FBXO6: variants seen among roughly 807,000 people sequenced by gnomAD.
The protein encoded by FBXO6 is F-box protein 6, also known as F-box only protein 6.
FBXO6 carries 13 observed loss-of-function variants against 25.0 expected under a neutral mutation model. That is an observed-to-expected ratio of 0.52 (90% confidence interval 0.34 to 0.83). The LOEUF (loss-of-function observed/expected upper bound fraction) is 0.83, where lower values mean the gene tolerates loss of function less well. Ranked by LOEUF, FBXO6 falls within the 40% of genes least tolerant of loss-of-function variation. FBXO6 has a pLI of 0.02. For missense variants in FBXO6, 370 were observed against 380.2 expected, an observed-to-expected ratio of 0.97 and a Z score of 0.22; for synonymous variants, 138 against 155.3, an observed-to-expected ratio of 0.89 and a Z score of 0.83.
At chr1:11,665,994 T>G (rs1198289876) in intron 1 of FBXO6, among the ~76,000 whole-genome samples, 1 of 112,374 alleles carries the variant, frequency 8.9e-6, no homozygotes, top group Admixed American at 9.3e-5. Context: ...CACATTGGGT[T>G]TTTTTGTTAT....
At chr1:11,665,819 G>A (rs1008273232) in intron 1 of FBXO6, among the ~76,000 whole-genome samples, 30 of 151,618 alleles carry the variant, frequency 2.0e-4, no homozygotes, top group African/African-American at 7.0e-4. Flanking sequence ...TCGGCCTACC[G>A]AAGTGCTGGG....
At position 11,671,320 on chromosome 1, in the gene FBXO6, A is replaced by G. The variant is rs376641127; in HGVS notation, c.341A>G (p.Glu114Gly). 1 of 1,614,118 alleles carries G rather than the reference A, an allele frequency of 6.2e-7. No homozygotes were observed. The highest frequency in any genetic ancestry group is 2.2e-5 in the East Asian group (1 of 44,878). Residue 114 changes from glutamate to glycine, a missense_variant, in exon 3 of 6, where the codon GAG (glutamate) becomes GGG (glycine). Coordinates refer to ENST00000376753, the MANE Select transcript of FBXO6 (RefSeq NM_018438.6). ...DFNGGDRWKV[E>G]SLPGAHGTDF... is the part of the protein sequence containing the mutation. ...AATGGTGGGGACCGCTGGAAGGTGG[A>G]GAGCCTCCCTGGAGCCCACGGGACA...
At chr1:11,668,093 A>AG (rs1297792627) in intron 1 of FBXO6, among the ~76,000 whole-genome samples, 1 of 146,472 alleles carries the variant, frequency 6.8e-6, no homozygotes, top group East Asian at 1.9e-4. Context: ...CTCTGTCTCA[A>AG]AAAAAAAAAA....
chr1:11,670,653 C>T (rs948386714), intron 2 of FBXO6, among the ~76,000 whole-genome samples: 2 of 149,014 alleles, frequency 1.3e-5, no homozygotes, highest in African/African-American at 5.0e-5. Flanking sequence ...GGGGGGGTGT[C>T]GCTATGTTCC....
In FBXO6 at chr1:11,671,355, G is replaced by A; in HGVS notation, c.376G>A (p.Asp126Asn). 1 of 1,614,092 alleles carries A rather than the reference G, an allele frequency of 6.2e-7. No homozygotes were observed. The highest frequency in any genetic ancestry group is 1.1e-5 in the South Asian group (1 of 91,064). The change falls in exon 3 of 6, where the codon GAC becomes AAC. Residue 126 changes from aspartate (D) to asparagine (N), a missense_variant. Coordinates refer to ENST00000376753, the MANE Select transcript of FBXO6 (RefSeq NM_018438.6). ...LPGAHGTDFP[D>N]PKVKKYFVTS... ...TGGAGCCCACGGGACAGATTTTCCT[G>A]ACCCCAAAGTCAAGAAGTATTTTGT...
rs3125818 is a variant in FBXO6 at position 11,668,837 on chromosome 1, G to A, written c.179G>A (p.Arg60Gln). ...LMTLWKRKCL[R>Q]EGFITKDWDQ... ...ACCCTCTGGAAACGCAAGTGCCTGCGAGAGGGCTTCATCACCAAGGACTGG... is the reference window on the plus strand; with the variant it reads ...ACCCTCTGGAAACGCAAGTGCCTGCAAGAGGGCTTCATCACCAAGGACTGG... Residue 60 changes from arginine (R) to glutamine (Q), a missense_variant, in exon 2 of 6, where the codon CGA becomes CAA. Arg to Gln is a conservative substitution (Grantham distance 43, BLOSUM62 1). Coordinates refer to ENST00000376753, the MANE Select transcript of FBXO6 (RefSeq NM_018438.6). The A allele has an allele frequency of 0.12, 195,732 of 1,614,010 alleles. 12,908 individuals are homozygous for A. The highest frequency in any genetic ancestry group is 0.2 in the South Asian group (18,138 of 91,068).
chr1:11,673,618 TCCTACA>T lies in FBXO6; in HGVS notation c.653_658del (p.Tyr218_Thr219del). 1 of 1,613,570 alleles carries T rather than the reference TCCTACA, an allele frequency of 6.2e-7. No individual in the cohort carries two copies. Among genetic ancestry groups the T allele is most frequent in the African/African-American group, 1.3e-5 (1 of 74,988 alleles). ...TCCTCTCCCTTCCTCCCAACAGGTC[TCCTACA>T]CCTTCTCAGACTACCCCCGGGGTGT... On this transcript the variant is annotated inframe_deletion, in exon 6 of 6. Coordinates refer to ENST00000376753, the MANE Select transcript of FBXO6 (RefSeq NM_018438.6). This position sits in a 1 kb window ranked among gnomAD's most constrained non-coding sequence, Gnocchi z 4.3.
intron 1 of FBXO6, 166 bp downstream of exon 1, chr1:11,664,421 C>G (rs1640338014): frequency 6.6e-6 from 1 of 150,668 alleles, no homozygotes; most frequent in African/African-American, 2.4e-5. Flanking sequence ...CCGCTGCGCC[C>G]AGGTCGCGTC....
rs561292765 is a variant in FBXO6, at chr1:11,668,749, C to G, written c.91C>G (p.Arg31Gly). The change falls in exon 2 of 6, where the codon CGC becomes GGC. Residue 31 changes from arginine (R) to glycine (G), a missense_variant. Physicochemically the swap from Arg to Gly is moderately radical, Grantham distance 125 (BLOSUM62 -2). Transcript: ENST00000376753. ...GGAGCTGTTCACGCACGTGCCCGCC[C>G]GCCAGCTGCTGCTGAACTGCCGCCT... is the stretch of plus-strand genomic sequence containing the variant. ...LLELFTHVPA[R>G]QLLLNCRLVC... 6.2e-7 allele frequency: 1 copy of G among 1,613,898 alleles called. No individual in the cohort carries two copies. The highest frequency in any genetic ancestry group is 1.7e-5 in the Admixed American group (1 of 60,002).
At chr1:11,667,840 C>T (rs903539044) in intron 1 of FBXO6, among the ~76,000 whole-genome samples, 1 of 152,114 alleles carries the variant, frequency 6.6e-6, no homozygotes, top group African/African-American at 2.4e-5. Context: ...CGCCTGTAAT[C>T]CCAGCACTTT....
At chr1:11,670,594 A>G (rs1389967731) in intron 2 of FBXO6, among the ~76,000 whole-genome samples, 1 of 144,060 alleles carries the variant, frequency 6.9e-6, no homozygotes, top group Non-Finnish European at 1.5e-5. Context: ...TGGGATGAAC[A>G]CGTTAGCCTT....
chr1:11,673,377 A>T lies in FBXO6; in HGVS notation c.610A>T (p.Thr204Ser). Reference protein sequence around the residue: ...VLASFEPPPVTIQQWNNATWT... With the variant: ...VLASFEPPPVSIQQWNNATWT... ...GGCCTCCTTCGAGCCCCCACCTGTG[A>T]CCATCCAACAGTGGAACAATGCCAC... is the stretch of plus-strand genomic sequence containing the variant. The change falls in exon 5 of 6, where the codon ACC (threonine) becomes TCC (serine). Residue 204 changes from threonine (T) to serine (S), a missense_variant. Physicochemically the swap from Thr to Ser is moderately conservative, Grantham distance 58. Coordinates refer to ENST00000376753, the MANE Select transcript of FBXO6 (RefSeq NM_018438.6). This position sits in a 1 kb window ranked among gnomAD's most constrained non-coding sequence, Gnocchi z 4.3. 6.2e-7 allele frequency: 1 copy of T among 1,613,988 alleles called. No individual in the cohort carries two copies.
Position 11,668,912 on chromosome 1 carries a change from A to G in FBXO6, c.254A>G (p.His85Arg), listed in dbSNP as rs1305899935. 1.9e-6 allele frequency: 3 copies of G among 1,614,000 alleles called. No individual in the cohort carries two copies. The highest frequency in any genetic ancestry group is 1.3e-5 in the African/African-American group (1 of 74,924). Residue 85 changes from histidine (H) to arginine (R), a missense_variant, in exon 2 of 6, where the codon CAT becomes CGT. By Grantham distance (29) the His-to-Arg change is conservative (BLOSUM62 0). Transcript: ENST00000376753. ...ATCTTCTACTTCCTACGGAGCCTGC[A>G]TAGGAACCTCCTGCGCAACCCGTGT... Reference protein sequence around the residue: ...WKIFYFLRSLHRNLLRNPCAE... With the variant: ...WKIFYFLRSLRRNLLRNPCAE...
At chr1:11,670,762 T>C (rs1640594460) in intron 2 of FBXO6, among the ~76,000 whole-genome samples, 1 of 152,048 alleles carries the variant, frequency 6.6e-6, no homozygotes, top group Non-Finnish European at 1.5e-5. Context: ...CGGCTTCACA[T>C]TAGTCTTTGA....
chr1:11,667,789 T>A (rs908767394), intron 1 of FBXO6, among the ~76,000 whole-genome samples: 9 of 152,236 alleles, frequency 5.9e-5, no homozygotes, highest in Admixed American at 5.2e-4. Context: ...GAGTCTGGGA[T>A]GTAAAACTGA....
chr1:11,673,418 G>T lies in FBXO6; in HGVS notation c.645+6G>T. 6.2e-7 allele frequency: 1 copy of T among 1,613,532 alleles called. No homozygotes were observed. The highest frequency in any genetic ancestry group is 8.5e-7 in the Non-Finnish European group (1 of 1,179,828). ...ACAATGCCACATGGACAGAGGTGAG[G>T]CCTCACCCACTTGCTCTCTCTACCC... On this transcript the variant is annotated splice_donor_region_variant and intron_variant, in intron 5 of 5. Coordinates refer to ENST00000376753, the MANE Select transcript of FBXO6 (RefSeq NM_018438.6). This position sits in a 1 kb window ranked among gnomAD's most constrained non-coding sequence, Gnocchi z 4.3.
At chr1:11,670,089 T>C (rs1011294831) in intron 2 of FBXO6, among the ~76,000 whole-genome samples, 2 of 151,094 alleles carry the variant, frequency 1.3e-5, no homozygotes, top group African/African-American at 4.9e-5. Flanking sequence ...GGCAGGCACC[T>C]GTAGTCCCAG....
chr1:11,666,755 G>A (rs1026467775), intron 1 of FBXO6, among the ~76,000 whole-genome samples: 1 of 152,196 alleles, frequency 6.6e-6, no homozygotes, highest in Non-Finnish European at 1.5e-5. Context: ...TCCCTGGGCA[G>A]AAGTGAGCAT....
Position 11,673,832 on chromosome 1 carries a change from C to A in FBXO6, c.863C>A (p.Ala288Asp). Residue 288 changes from alanine to aspartate, a missense_variant, in exon 6 of 6, where the codon GCT becomes GAT. Physicochemically the swap from Ala to Asp is moderately radical, Grantham distance 126. Coordinates refer to ENST00000376753, the MANE Select transcript of FBXO6 (RefSeq NM_018438.6). This position sits in a 1 kb window ranked among gnomAD's most constrained non-coding sequence, Gnocchi z 4.3. The stretch of plus-strand genomic sequence containing the variant: ...GAGGCTGCCCAATCGCCCTACCGAG[C>A]TGTTGTCCAGATTTTCTGACAGCTG... ...QEEAAQSPYR[A>D]VVQIF is the part of the protein sequence containing the mutation. 1 of 1,614,074 alleles carries A rather than the reference C, an allele frequency of 6.2e-7. No individual in the cohort carries two copies. The highest frequency in any genetic ancestry group is 8.5e-7 in the Non-Finnish European group (1 of 1,180,006).
Sources: gnomAD v4.1 joint callset for allele counts (sites outside exome capture counted in the v4.1 genomes callset) on GRCh38, gnomAD v4.1.1 for gene constraint, Gnocchi (gnomAD v3.1) non-coding constraint, MANE v1.5 for transcripts, NCBI Gene and HGNC (gene_info 2026-07-23, HGNC 2026-07-21) for gene names.